Variants in BRAF observed in about 807,000 individuals in gnomAD.
The protein encoded by BRAF is B-Raf proto-oncogene, serine/threonine kinase, also known as serine/threonine-protein kinase B-raf.
In BRAF, 16 loss-of-function variants were observed where a neutral mutation model predicts 104.6. The observed-to-expected ratio is 0.15, with a 90% confidence interval of 0.10 to 0.23. The LOEUF is 0.23. Among genes scored for constraint, BRAF ranks in the 10% least tolerant of loss-of-function variants. The pLI is 1.00. For missense variants in BRAF, 541 were observed against 937.3 expected (o/e 0.58, Z 5.52); for synonymous variants, 310 against 341.6 (o/e 0.91, Z 1.02).
intron 1 of BRAF, among the ~76,000 whole-genome samples, chr7:140,923,358 T>C (rs536594636): frequency 3.3e-5 from 5 of 152,314 alleles, no homozygotes; most frequent in South Asian, 4.1e-4. Context: ...TTGTAAAGCA[T>C]AATAAAGTAT....
At chr7:140,790,534 T>C (rs1316386774) in intron 8 of BRAF, among the ~76,000 whole-genome samples, 1 of 152,208 alleles carries the variant, frequency 6.6e-6, no homozygotes, top group African/African-American at 2.4e-5. Flanking sequence ...ATTTCTGAAT[T>C]CTTATTATGT....
chr7:140,741,734 G>A (rs566521956), intron 17 of BRAF: 1 of 152,130 alleles, frequency 6.6e-6, no homozygotes, highest in South Asian at 2.1e-4. Flanking sequence ...TGAGGAGGGT[G>A]GATCATGAGG....
rs1330759536 is a variant in BRAF, at chr7:140,722,125, GAA to G, written c.*4367_*4368del. ...ATGCTTTGAAGAGCCTATGGGAGTA[GAA>G]AAAGTTTCTCTAGAAATGTCACTGA... On this transcript the variant is annotated 3_prime_UTR_variant, in exon 20 of 20. Transcript: ENST00000644969. 1 of 1,070,734 alleles carries G rather than the reference GAA, an allele frequency of 9.3e-7. No homozygotes were observed. The highest frequency in any genetic ancestry group is 1.1e-6 in the Non-Finnish European group (1 of 883,324). 66.3% of individuals were successfully genotyped at this position (1,070,734 alleles called of 1,614,324 possible). A position where few individuals can be genotyped will look rare whatever the true frequency, so the allele number is the denominator to read the frequency against.
At chr7:140,855,350 T>C (rs2129078194) in intron 1 of BRAF, among the ~76,000 whole-genome samples, 1 of 152,206 alleles carries the variant, frequency 6.6e-6, no homozygotes, top group South Asian at 2.1e-4. Context: ...TCCTCTCCTG[T>C]TTTAATCTCT....
At position 140,725,036 on chromosome 7, in the gene BRAF, G is replaced by T; in HGVS notation, c.*1458C>A. ...GACAGCTTTCCCACACCCTCCCTCAGTCCTAATATCCCTAAAATTGCTCTA... is the reference window on the plus strand; with the variant it reads ...GACAGCTTTCCCACACCCTCCCTCATTCCTAATATCCCTAAAATTGCTCTA... On this transcript the variant is annotated 3_prime_UTR_variant, in exon 20 of 20. Transcript: ENST00000644969. The T allele has an allele frequency of 9.6e-7, 1 of 1,047,080 alleles. No individual in the cohort carries two copies. The highest frequency in any genetic ancestry group is 1.2e-6 in the Non-Finnish European group (1 of 867,834). 64.9% of individuals were successfully genotyped at this position (1,047,080 alleles called of 1,614,324 possible).
intron 1 of BRAF, among the ~76,000 whole-genome samples, chr7:140,858,141 AG>A (rs752837280): frequency 1.2e-4 from 19 of 152,332 alleles, no homozygotes; most frequent in Non-Finnish European, 2.5e-4. Flanking sequence ...ATACTTACAT[AG>A]TGCCAAAGTA....
At position 140,751,597 on chromosome 7, in the gene BRAF, T is replaced by C. The variant is rs184690929; in HGVS notation, c.1980+1678A>G. ...AAATCTACTAGTCCAACTCAACATT[T>C]CAGATGTAGACTTAGAGGAGGTTAA... On this transcript the variant is annotated intron_variant, in intron 16 of 19. Transcript: ENST00000644969. 1.1e-4 allele frequency among the ~76,000 whole-genome samples: 16 copies of C among 152,314 alleles called. No individual in the cohort carries two copies. The East Asian group carries it at 3.1e-3, about 29-fold the overall frequency.
At chr7:140,789,278 C>A (rs114989858) in intron 8 of BRAF, among the ~76,000 whole-genome samples, 2 of 151,936 alleles carry the variant, frequency 1.3e-5, no homozygotes, top group Non-Finnish European at 2.9e-5. Context: ...TGGGGACAGT[C>A]GCTACTGGTA....
Position 140,725,516 on chromosome 7 carries a change from T to A in BRAF, c.*978A>T. 8.1e-6 allele frequency: 8 copies of A among 986,810 alleles called. No homozygotes were observed. The highest frequency in any genetic ancestry group is 9.8e-6 in the Non-Finnish European group (8 of 813,506). 61.1% of individuals were successfully genotyped at this position (986,810 alleles called of 1,614,324 possible). Reference sequence around the variant, plus strand: ...CTCAGAAATTAAAACCTGTACCTTATATTTAAATTATCTAAATTTCTCACA... The same window carrying A: ...CTCAGAAATTAAAACCTGTACCTTAAATTTAAATTATCTAAATTTCTCACA... On this transcript the variant is annotated 3_prime_UTR_variant, in exon 20 of 20. Transcript: ENST00000644969.
At chr7:140,808,797 A>T in intron 4 of BRAF, 95 bp downstream of exon 4, 1 of 1,005,024 alleles carries the variant, frequency 1.0e-6, no homozygotes, top group African/African-American at 1.6e-5. Context: ...TACACTTTCA[A>T]TTCCCTAGGT....
At chr7:140,916,219 T>G (rs888798995) in intron 1 of BRAF, among the ~76,000 whole-genome samples, 4 of 152,184 alleles carry the variant, frequency 2.6e-5, no homozygotes, top group African/African-American at 9.7e-5. Flanking sequence ...GAAACATCAT[T>G]TTACACTGTA....
At chr7:140,787,300 C>CCA (rs1801480080) in intron 9 of BRAF, among the ~76,000 whole-genome samples, 1 of 55,060 alleles carries the variant, frequency 1.8e-5, no homozygotes, top group Non-Finnish European at 4.9e-5. Flanking sequence ...GACTCCGTCT[C>CCA]AAAAAAAAAA....
intron 15 of BRAF, chr7:140,753,817 T>G: frequency 3.0e-6 from 1 of 331,398 alleles, no homozygotes; most frequent in Non-Finnish European, 5.7e-6. Flanking sequence ...TCTCACCTCA[T>G]TGTTATATAA....
At chr7:140,872,851 G>A (rs942241179) in intron 1 of BRAF, among the ~76,000 whole-genome samples, 10 of 151,940 alleles carry the variant, frequency 6.6e-5, no homozygotes, top group African/African-American at 1.9e-4. Context: ...TGCTTGGAGG[G>A]ATACAAAATT....
chr7:140,883,182 T>C (rs1055814025), intron 1 of BRAF, among the ~76,000 whole-genome samples: 2 of 152,184 alleles, frequency 1.3e-5, no homozygotes, highest in Non-Finnish European at 2.9e-5. Flanking sequence ...ATTCTTTCAC[T>C]GGTTTACTAC....
intron 19 of BRAF, chr7:140,732,552 C>T (rs1439011554): frequency 6.6e-6 from 1 of 152,132 alleles, no homozygotes; most frequent in African/African-American, 2.4e-5. Flanking sequence ...AGTAGAATTA[C>T]TCTGTGACAC....
At chr7:140,830,912 G>A (rs1194951473) in intron 3 of BRAF, among the ~76,000 whole-genome samples, 1 of 152,144 alleles carries the variant, frequency 6.6e-6, no homozygotes, top group African/African-American at 2.4e-5. Flanking sequence ...TAAATGTTAA[G>A]TGTTTCTTGA....
At chr7:140,835,056 T>C (rs1807179386) in intron 2 of BRAF, 184 bp from the exon 3 acceptor site, 2 of 675,588 alleles carry the variant, frequency 3.0e-6, no homozygotes, top group Non-Finnish European at 5.0e-6. Context: ...TGATAAATTC[T>C]TTGTTATTAG....
intron 1 of BRAF, among the ~76,000 whole-genome samples, chr7:140,889,830 T>C (rs1371283262): frequency 6.6e-6 from 1 of 152,154 alleles, no homozygotes; most frequent in Non-Finnish European, 1.5e-5. Flanking sequence ...TGAAAACAGA[T>C]GGTTGTACAT....
Sources: gnomAD v4.1 joint callset for allele counts (sites outside exome capture counted in the v4.1 genomes callset) on GRCh38, gnomAD v4.1.1 for gene constraint, MANE v1.5 for transcripts, NCBI Gene and HGNC (gene_info 2026-07-23, HGNC 2026-07-21) for gene names.